The following BIN3 variants were observed in gnomAD, a reference collection of about 807,000 sequenced individuals.
BIN3 encodes bridging integrator 3.
A neutral mutation model predicts 38.2 loss-of-function variants in BIN3; 41 were observed. The observed-to-expected ratio is 1.07, with a 90% confidence interval of 0.84 to 1.39. The LOEUF (loss-of-function observed/expected upper bound fraction) is 1.39, where lower values mean the gene tolerates loss of function less well. Among genes scored for constraint, BIN3 ranks in the 40% most tolerant of loss-of-function variants. The probability of loss-of-function intolerance (pLI) is 0.00; values close to 1 mark genes in which losing one functional copy is unlikely to be tolerated. For missense variants in BIN3, 361 were observed against 324.3 expected, an observed-to-expected ratio of 1.11 and a Z score of -0.87; for synonymous variants, 145 against 122.6, an observed-to-expected ratio of 1.18 and a Z score of -1.21.
chr8:22,648,091 C>T (rs1324231647), intron 1 of BIN3, among the ~76,000 whole-genome samples: 1 of 126,820 alleles, frequency 7.9e-6, no homozygotes, highest in Admixed American at 8.3e-5. Flanking sequence ...GCCGAGATTG[C>T]GCCACTACAC....
chr8:22,655,720 C>A (rs2117585063), intron 1 of BIN3, among the ~76,000 whole-genome samples: 1 of 152,220 alleles, frequency 6.6e-6, no homozygotes, highest in East Asian at 1.9e-4. Flanking sequence ...TGTTCTTTGT[C>A]AAGATCATTT....
chr8:22,664,624 A>G (rs1050202578), intron 1 of BIN3, among the ~76,000 whole-genome samples: 5 of 152,234 alleles, frequency 3.3e-5, no homozygotes, highest in Non-Finnish European at 5.9e-5. Context: ...CCGTGATCCA[A>G]TCAGCTTGGG....
At chr8:22,658,632 C>G (rs1415684921) in intron 1 of BIN3, among the ~76,000 whole-genome samples, 1 of 152,198 alleles carries the variant, frequency 6.6e-6, no homozygotes, top group African/African-American at 2.4e-5. Context: ...CCTAAACCTG[C>G]TTCCTGGGTC....
intron 4 of BIN3, among the ~76,000 whole-genome samples, chr8:22,633,661 C>T (rs559161523): frequency 6.6e-6 from 1 of 152,392 alleles, no homozygotes; most frequent in East Asian, 1.9e-4. Context: ...CCTCCATTCC[C>T]CTCAACTGTC....
intron 1 of BIN3, among the ~76,000 whole-genome samples, chr8:22,654,526 C>T (rs184420665): frequency 6.6e-6 from 1 of 152,314 alleles, no homozygotes; most frequent in East Asian, 1.9e-4. Flanking sequence ...ATTACTTTGC[C>T]TTCTTTATGG....
At position 22,667,801 on chromosome 8, in the gene BIN3, T is replaced by C. The variant is rs180861024; in HGVS notation, c.8+1243A>G. Reference sequence around the variant, plus strand: ...ATTGTCTGACATTTGTCCATCAATCTTGGTCTAAGAAACAGGTGGGGGAGG... The same window carrying C: ...ATTGTCTGACATTTGTCCATCAATCCTGGTCTAAGAAACAGGTGGGGGAGG... On this transcript the variant is annotated intron_variant, in intron 1 of 8. Coordinates refer to ENST00000276416, the MANE Select transcript of BIN3 (RefSeq NM_018688.6). 1.4e-3 allele frequency among the ~76,000 whole-genome samples: 208 copies of C among 152,326 alleles called. 1 individual carries two copies. Among genetic ancestry groups the C allele is most frequent in the Admixed American group, 5.9e-3 (90 of 15,306 alleles).
At chr8:22,643,498 G>T (rs1173012394) in intron 2 of BIN3, among the ~76,000 whole-genome samples, 2 of 152,120 alleles carry the variant, frequency 1.3e-5, no homozygotes, top group Admixed American at 1.3e-4. Flanking sequence ...TGGTAGAGTC[G>T]GGGTCTCTCT....
intron 1 of BIN3, among the ~76,000 whole-genome samples, chr8:22,645,334 T>C (rs1415321821): frequency 6.6e-6 from 1 of 151,612 alleles, no homozygotes; most frequent in African/African-American, 2.4e-5. Context: ...CACCAAAAAT[T>C]AGCCGGGCGT....
intron 8 of BIN3, 146 bp from the exon 9 acceptor site, chr8:22,621,714 G>C: frequency 1.2e-6 from 1 of 860,588 alleles, no homozygotes. Context: ...TGCAGGGCAC[G>C]GAAGGGCTCT....
chr8:22,642,118 G>A (rs1802582595), intron 2 of BIN3, among the ~76,000 whole-genome samples: 2 of 152,282 alleles, frequency 1.3e-5, no homozygotes, highest in South Asian at 4.1e-4. Flanking sequence ...CTGACAGTTG[G>A]GTGCCTTGAG....
At chr8:22,655,037 G>A (rs1412861920) in intron 1 of BIN3, among the ~76,000 whole-genome samples, 1 of 152,128 alleles carries the variant, frequency 6.6e-6, no homozygotes, top group African/African-American at 2.4e-5. Context: ...TATTTCTGAT[G>A]TGCATTTCTC....
intron 1 of BIN3, among the ~76,000 whole-genome samples, chr8:22,648,953 G>A (rs1348923454): frequency 6.6e-6 from 1 of 151,172 alleles, no homozygotes; most frequent in Non-Finnish European, 1.5e-5. Flanking sequence ...GTGTGTGTGT[G>A]TATTTCCTTA....
rs1802388858 is a variant in BIN3 at position 22,637,018 on chromosome 8, C to T, written c.58-56G>A. ...AGAAATGACAACACGGTGGAAAAAA[C>T]CTCCCAGCCTCCTGAAACTCTCTCC... On this transcript the variant is annotated intron_variant, in intron 2 of 8. Coordinates refer to ENST00000276416, the MANE Select transcript of BIN3 (RefSeq NM_018688.6). 8 of 1,506,950 alleles carry T rather than the reference C, an allele frequency of 5.3e-6. No homozygotes were observed. In the South Asian group the frequency reaches 8.0e-5, roughly 15 times the overall value. 93.3% of individuals were successfully genotyped at this position (1,506,950 alleles called of 1,614,324 possible). A position where few individuals can be genotyped will look rare whatever the true frequency, so the allele number is the denominator to read the frequency against.
intron 7 of BIN3, 70 bp downstream of exon 7, chr8:22,624,152 G>T (rs1801932599): frequency 1.9e-6 from 3 of 1,589,226 alleles, no homozygotes; most frequent in African/African-American, 1.3e-5. Flanking sequence ...CCAGGTGAGG[G>T]GAGGGACTTA....
rs1180802458 is a variant in BIN3, at chr8:22,649,849, ACACACACACC to A, written c.9-5056_9-5047del. Among the ~76,000 whole-genome samples, 575 of 140,060 alleles carry A rather than the reference ACACACACACC, an allele frequency of 4.1e-3. 2 individuals carry two copies. The highest frequency in any genetic ancestry group is 0.012 in the African/African-American group (403 of 34,706). 91.9% of individuals were successfully genotyped at this position (140,060 alleles called of 152,430 possible). On this transcript the variant is annotated intron_variant, in intron 1 of 8. Coordinates refer to ENST00000276416, the MANE Select transcript of BIN3 (RefSeq NM_018688.6). ...CACACACACACACACACACACACAC[ACACACACACC>A]CCCAAAGGAAAAAATTAACAGTAAT...
At chr8:22,667,732 C>T (rs1313908915) in intron 1 of BIN3, among the ~76,000 whole-genome samples, 2 of 152,208 alleles carry the variant, frequency 1.3e-5, no homozygotes, top group South Asian at 2.1e-4. Context: ...CCTGCCGGGG[C>T]TTATTAGGAC....
intron 1 of BIN3, among the ~76,000 whole-genome samples, chr8:22,646,405 ACC>A (rs1035564197): frequency 2.0e-5 from 3 of 150,448 alleles, no homozygotes; most frequent in African/African-American, 7.4e-5. Context: ...TTCCCTCCAC[ACC>A]CCCTTCTCCC....
Position 22,632,110 on chromosome 8 carries a change from A to G in BIN3, c.161-1532T>C, listed in dbSNP as rs148536733. On this transcript the variant is annotated intron_variant, in intron 4 of 8. Transcript: ENST00000276416. ...TTATTGTATGAACTACTAAGGGAGAAAAAATTGTTGTCAATCAAACCAGGC... is the reference window on the plus strand; with the variant it reads ...TTATTGTATGAACTACTAAGGGAGAGAAAATTGTTGTCAATCAAACCAGGC... Among the ~76,000 whole-genome samples the G allele has an allele frequency of 3.7e-3, 563 of 152,362 alleles. 6 individuals carry two copies. Among genetic ancestry groups the G allele is most frequent in the African/African-American group, 0.013 (543 of 41,588 alleles).
chr8:22,648,806 C>A (rs1198970496), intron 1 of BIN3, among the ~76,000 whole-genome samples: 1 of 152,240 alleles, frequency 6.6e-6, no homozygotes, highest in African/African-American at 2.4e-5. Flanking sequence ...TAATCTAATA[C>A]ATTATTTTGA....
Sources: allele counts gnomAD v4.1 joint callset (sites outside exome capture counted in the v4.1 genomes callset), GRCh38; gene constraint gnomAD v4.1.1; transcripts MANE v1.5; gene names NCBI Gene and HGNC (gene_info 2026-07-23, HGNC 2026-07-21).